The following EFR3A variants were observed in gnomAD, a reference collection of about 807,000 sequenced individuals.
EFR3A encodes the protein protein EFR3 homolog A.
In EFR3A, 76 loss-of-function variants were observed where a neutral mutation model predicts 104.4. The ratio of observed to expected loss-of-function variants is 0.73; its 90% CI spans 0.60 to 0.88. EFR3A has a LOEUF of 0.88. Ranked by LOEUF, EFR3A falls within the 40% of genes least tolerant of loss-of-function variation. EFR3A has a pLI of 0.00. For synonymous variants in EFR3A, 330 were observed against 330.0 expected, an observed-to-expected ratio of 1.00 and a Z score of 0.00; for missense variants, 985 against 1,012.5, an observed-to-expected ratio of 0.97 and a Z score of 0.37.
chr8:131,974,469 A>G (rs755805974), intron 10 of EFR3A, among the ~76,000 whole-genome samples: 6 of 152,166 alleles, frequency 3.9e-5, no homozygotes, highest in Non-Finnish European at 8.8e-5. Context: ...AAGACTAGGA[A>G]TGTATCTAGT....
intron 5 of EFR3A, among the ~76,000 whole-genome samples, chr8:131,953,231 C>T (rs939813240): frequency 6.6e-6 from 1 of 152,026 alleles, no homozygotes; most frequent in Non-Finnish European, 1.5e-5. Context: ...CATTTTAAGT[C>T]ACATTATCAG....
At chr8:131,935,063 A>C (rs558261217) in intron 1 of EFR3A, among the ~76,000 whole-genome samples, 3 of 152,142 alleles carry the variant, frequency 2.0e-5, no homozygotes, top group Non-Finnish European at 4.4e-5. Context: ...CTTCTAATAG[A>C]AAGTCTGTCT....
intron 4 of EFR3A, among the ~76,000 whole-genome samples, chr8:131,947,501 A>AGTTTTG (rs1818497920): frequency 6.8e-6 from 1 of 148,050 alleles, no homozygotes; most frequent in Admixed American, 6.7e-5. Flanking sequence ...GAGTCACTAA[A>AGTTTTG]GTTTTGATTT....
intron 1 of EFR3A, among the ~76,000 whole-genome samples, chr8:131,910,988 G>C (rs1294239046): frequency 6.6e-6 from 1 of 152,166 alleles, no homozygotes; most frequent in Non-Finnish European, 1.5e-5. Flanking sequence ...TAGGACATGA[G>C]TCGTTTGTCT....
intron 7 of EFR3A, among the ~76,000 whole-genome samples, chr8:131,958,894 A>C (rs1386997546): frequency 2.0e-5 from 3 of 152,126 alleles, no homozygotes; most frequent in African/African-American, 7.2e-5. Context: ...ATCTTACTTA[A>C]TCCTTTTACC....
intron 11 of EFR3A, among the ~76,000 whole-genome samples, 179 bp from the exon 12 acceptor site, chr8:131,976,857 AAATAT>A (rs1420737799): frequency 6.6e-6 from 1 of 152,166 alleles, no homozygotes; most frequent in Non-Finnish European, 1.5e-5. Context: ...TGATATTTTT[AAATAT>A]AATAGTTTTA....
intron 12 of EFR3A, among the ~76,000 whole-genome samples, chr8:131,977,775 A>G (rs1340928538): frequency 6.6e-6 from 1 of 151,964 alleles, no homozygotes; most frequent in South Asian, 2.1e-4. Context: ...ATTTTTTTTA[A>G]TTCTGTTTAT....
chr8:131,943,673 A>T (rs1460597567), intron 2 of EFR3A, among the ~76,000 whole-genome samples: 4 of 152,012 alleles, frequency 2.6e-5, no homozygotes, highest in African/African-American at 9.7e-5. Context: ...ATTTAGGAAC[A>T]TCCCTGGCCT....
rs145932711 is a variant in EFR3A, at chr8:131,955,480, G to T, written c.639-288G>T. Among the ~76,000 whole-genome samples the T allele has an allele frequency of 5.2e-4, 79 of 152,200 alleles. No homozygotes were observed. The East Asian group carries it at 0.014, about 26-fold the overall frequency. The stretch of plus-strand genomic sequence containing the variant: ...TTACTAAGATTTTGCTATAAATATA[G>T]AAAAGTTGAATGAAAGTGAAAGCAA... On this transcript the variant is annotated intron_variant, in intron 6 of 22. Coordinates refer to ENST00000254624, the MANE Select transcript of EFR3A (RefSeq NM_015137.6).
intron 1 of EFR3A, among the ~76,000 whole-genome samples, chr8:131,934,315 C>G (rs1817765166): frequency 6.6e-6 from 1 of 151,986 alleles, no homozygotes; most frequent in Non-Finnish European, 1.5e-5. Context: ...TAGTTTATTC[C>G]TGTAGTTCAG....
chr8:131,943,171 T>C (rs753454260), intron 2 of EFR3A, among the ~76,000 whole-genome samples: 6 of 152,074 alleles, frequency 3.9e-5, no homozygotes, highest in Non-Finnish European at 8.8e-5. Context: ...AGTAGTTAAG[T>C]ATCTGCAAAT....
chr8:132,010,667 A>G lies in EFR3A; in HGVS notation c.2361-123A>G, dbSNP rs1165996475. On this transcript the variant is annotated intron_variant, in intron 22 of 22. Coordinates refer to ENST00000254624, the MANE Select transcript of EFR3A (RefSeq NM_015137.6). ...GCCTTGTAGCTGGCCAGTAACTACA[A>G]TGGCATTGATCACTGCAATTAAGGA... The G allele has an allele frequency of 9.3e-6, 11 of 1,180,714 alleles. No individual in the cohort carries two copies. In the East Asian group the frequency reaches 2.3e-4, roughly 25 times the overall value. 73.1% of individuals were successfully genotyped at this position (1,180,714 alleles called of 1,614,324 possible).
chr8:131,964,460 C>T (rs957453215), intron 8 of EFR3A, among the ~76,000 whole-genome samples: 1 of 151,824 alleles, frequency 6.6e-6, no homozygotes, highest in Admixed American at 6.6e-5. Context: ...CATGAGTGAA[C>T]TCCCATTCAC....
At chr8:131,925,525 T>C (rs1429996457) in intron 1 of EFR3A, among the ~76,000 whole-genome samples, 1 of 152,128 alleles carries the variant, frequency 6.6e-6, no homozygotes, top group Admixed American at 6.6e-5. Flanking sequence ...GAAGAAATTA[T>C]CTTGATTTGA....
chr8:131,972,139 T>C (rs751551689), intron 10 of EFR3A, among the ~76,000 whole-genome samples: 16 of 152,216 alleles, frequency 1.1e-4, no homozygotes, highest in Non-Finnish European at 2.1e-4. Flanking sequence ...ATGAACTCAA[T>C]GGATTTATAT....
chr8:132,000,295 A>AT (rs1311201980), intron 19 of EFR3A, among the ~76,000 whole-genome samples: 2 of 151,836 alleles, frequency 1.3e-5, no homozygotes, highest in Admixed American at 6.6e-5. Context: ...TGCCCAGCTA[A>AT]TTTTTTGTAT....
chr8:131,927,956 A>T (rs1208069927), intron 1 of EFR3A, among the ~76,000 whole-genome samples: 1 of 152,196 alleles, frequency 6.6e-6, no homozygotes, highest in African/African-American at 2.4e-5. Context: ...CTTCCTGTTC[A>T]TCATGATTTT....
intron 10 of EFR3A, among the ~76,000 whole-genome samples, chr8:131,975,284 T>G (rs1428164793): frequency 2.0e-5 from 3 of 152,156 alleles, no homozygotes; most frequent in African/African-American, 2.4e-5. Context: ...GAGTAGTGAC[T>G]AATTATTAAC....
intron 1 of EFR3A, among the ~76,000 whole-genome samples, chr8:131,936,331 C>A (rs543356954): frequency 1.3e-5 from 2 of 152,118 alleles, no homozygotes; most frequent in African/African-American, 4.8e-5. Context: ...CTTCTGTGAA[C>A]AAATGTGTGG....
Sources: allele counts gnomAD v4.1 joint callset (sites outside exome capture counted in the v4.1 genomes callset), GRCh38; gene constraint gnomAD v4.1.1; transcripts MANE v1.5; gene names NCBI Gene and HGNC (gene_info 2026-07-23, HGNC 2026-07-21).